SYN2: variants seen among roughly 807,000 people sequenced by gnomAD.
SYN2 encodes synapsin II, also known as synapsin-2.
Under a neutral mutation model 50.9 loss-of-function variants are expected in SYN2, and 19 were observed. The ratio of observed to expected loss-of-function variants is 0.37; its 90% CI spans 0.26 to 0.55. The LOEUF (loss-of-function observed/expected upper bound fraction) is 0.55. Among genes scored for constraint, SYN2 ranks in the 20% least tolerant of loss-of-function variants. The probability of loss-of-function intolerance (pLI) is 0.81; values close to 1 mark genes in which losing one functional copy is unlikely to be tolerated. For missense variants in SYN2, 587 were observed against 576.4 expected (o/e 1.02, Z -0.19); for synonymous variants, 255 against 224.9 (o/e 1.13, Z -1.20).
At chr3:12,124,833 C>T (rs1343696640) in intron 1 of SYN2, among the ~76,000 whole-genome samples, 4 of 151,850 alleles carry the variant, frequency 2.6e-5, no homozygotes, top group African/African-American at 7.3e-5. Context: ...AGTAGTTATC[C>T]CTGGGGAAGG....
rs550444471 is a variant in SYN2, at chr3:12,014,818, G to A, written c.377+9890G>A. Reference sequence around the variant, plus strand: ...CTTCCTGTTTTTTCAACTGCAAAGTGGGATTGTGGGAATGGTTTAACTTCC... The same window carrying A: ...CTTCCTGTTTTTTCAACTGCAAAGTAGGATTGTGGGAATGGTTTAACTTCC... On this transcript the variant is annotated intron_variant, in intron 1 of 12. Coordinates refer to ENST00000621198, the MANE Select transcript of SYN2 (RefSeq NM_133625.6). 1.6e-4 allele frequency among the ~76,000 whole-genome samples: 25 copies of A among 152,232 alleles called. 1 individual carries two copies. The South Asian group carries it at 4.6e-3, about 28-fold the overall frequency.
In SYN2 at chr3:12,004,920, C is replaced by T. The variant is rs774743651; in HGVS notation, c.369C>T (p.His123=). ...TGCTGCTGGTGGTCGACGAGCCGCA[C>T]GCCGACTGGTAGGTGCCGGGCGCCG... The part of the protein sequence containing the change: ...AKVLLVVDEP[H]ADWAKCFRGK... The change falls in exon 1 of 13, where the codon CAC becomes CAT. Residue 123 remains histidine (H), a synonymous_variant. Transcript: ENST00000621198. 3 of 568,994 alleles carry T rather than the reference C, an allele frequency of 5.3e-6. No homozygotes were observed. The highest frequency in any genetic ancestry group is 9.4e-6 in the Non-Finnish European group (3 of 319,364). 35.2% of individuals were successfully genotyped at this position (568,994 alleles called of 1,614,324 possible).
intron 10 of SYN2, among the ~76,000 whole-genome samples, chr3:12,176,152 C>T (rs1698062261): frequency 6.6e-6 from 1 of 152,160 alleles, no homozygotes; most frequent in South Asian, 2.1e-4. Context: ...CTTTAGGGGT[C>T]TCTTGTCTAG....
At chr3:12,141,833 T>A in intron 2 of SYN2, 72 bp from the exon 3 acceptor site, 1 of 767,486 alleles carries the variant, frequency 1.3e-6, no homozygotes, top group South Asian at 1.4e-5. Context: ...GTGGTAGGGA[T>A]GTTGCTGCTG....
intron 4 of SYN2, 67 bp from the exon 5 acceptor site, chr3:12,151,170 G>A: frequency 9.2e-7 from 1 of 1,091,600 alleles, no homozygotes; most frequent in South Asian, 1.3e-5. Flanking sequence ...AATATTTGAT[G>A]AGTTGATGTT....
intron 1 of SYN2, among the ~76,000 whole-genome samples, chr3:12,068,178 T>C (rs1270435910): frequency 6.6e-6 from 1 of 152,074 alleles, no homozygotes; most frequent in Admixed American, 6.6e-5. Context: ...AAGCTCAACC[T>C]TTTATGTCTG....
intron 1 of SYN2, among the ~76,000 whole-genome samples, chr3:12,033,793 C>T (rs1045379044): frequency 2.0e-5 from 3 of 152,142 alleles, no homozygotes; most frequent in African/African-American, 4.8e-5. Flanking sequence ...CAGCTTTTTT[C>T]ATCTTAGCAT....
chr3:12,167,243 G>C lies in SYN2; in HGVS notation c.990G>C (p.Ser330=). ...GNNYKAYMRT[S]ISGNWKTNTG... is the part of the protein sequence containing the mutation. ...TGGGATCTTGTTGCAGGAGGACATC[G>C]ATCTCAGGGAACTGGAAGACGAACA... The change falls in exon 8 of 13, where the codon TCG becomes TCC. Residue 330 remains serine, a synonymous_variant. Coordinates refer to ENST00000621198, the MANE Select transcript of SYN2 (RefSeq NM_133625.6). 2 of 1,612,834 alleles carry C rather than the reference G, an allele frequency of 1.2e-6. No homozygotes were observed. The highest frequency in any genetic ancestry group is 2.2e-5 in the South Asian group (2 of 90,462).
At chr3:12,032,269 TCCCTTTGAGGGTAA>T (rs1694397404) in intron 1 of SYN2, among the ~76,000 whole-genome samples, 1 of 41,118 alleles carries the variant, frequency 2.4e-5, no homozygotes, top group Non-Finnish European at 5.9e-5. Context: ...CTGATGGGCT[TCCCTTTGAGGGTAA>T]CCCGACCTTT....
At chr3:12,163,205 G>C (rs1302527302) in intron 7 of SYN2, among the ~76,000 whole-genome samples, 1 of 140,134 alleles carries the variant, frequency 7.1e-6, no homozygotes, top group Non-Finnish European at 1.5e-5. Context: ...TCGCGCCACT[G>C]CACTCCAGCC....
intron 1 of SYN2, among the ~76,000 whole-genome samples, chr3:12,096,019 A>G (rs556428836): frequency 6.6e-6 from 1 of 152,268 alleles, no homozygotes; most frequent in South Asian, 2.1e-4. Flanking sequence ...CCATCTCAAT[A>G]AATAGTACAA....
At chr3:12,161,398 G>A (rs1310901692) in intron 5 of SYN2, 148 bp from the exon 6 acceptor site, 2 of 829,672 alleles carry the variant, frequency 2.4e-6, no homozygotes, top group Non-Finnish European at 3.9e-6. Flanking sequence ...TCATTCCATG[G>A]GTCTCAGTTT....
intron 1 of SYN2, among the ~76,000 whole-genome samples, chr3:12,083,704 A>T (rs1695628964): frequency 6.6e-6 from 1 of 152,280 alleles, no homozygotes; most frequent in East Asian, 1.9e-4. Context: ...TGAAGATGGC[A>T]CTTCATCATC....
At chr3:12,166,478 A>G (rs1266303772) in intron 7 of SYN2, among the ~76,000 whole-genome samples, 3 of 152,246 alleles carry the variant, frequency 2.0e-5, no homozygotes, top group Non-Finnish European at 4.4e-5. Flanking sequence ...AGAACCAGAA[A>G]CCAAGTAATC....
intron 1 of SYN2, among the ~76,000 whole-genome samples, chr3:12,110,216 C>T (rs1277133223): frequency 1.3e-5 from 2 of 152,160 alleles, no homozygotes; most frequent in South Asian, 2.1e-4. Context: ...AATTGTAATA[C>T]TTACTCTTAA....
At chr3:12,022,845 G>T (rs1694172368) in intron 1 of SYN2, among the ~76,000 whole-genome samples, 1 of 152,012 alleles carries the variant, frequency 6.6e-6, no homozygotes, top group African/African-American at 2.4e-5. Flanking sequence ...ACCGTGCCTG[G>T]CCAAGAAAAT....
intron 1 of SYN2, among the ~76,000 whole-genome samples, chr3:12,018,840 T>C (rs894458850): frequency 1.3e-5 from 2 of 152,176 alleles, no homozygotes; most frequent in African/African-American, 4.8e-5. Flanking sequence ...ACTGGTGGGA[T>C]TGAGAGTAGG....
At chr3:12,174,183 G>T (rs1292651860) in intron 10 of SYN2, among the ~76,000 whole-genome samples, 4 of 152,230 alleles carry the variant, frequency 2.6e-5, no homozygotes, top group East Asian at 1.9e-4. Flanking sequence ...GTCTTGGCCA[G>T]CCTGTATCTA....
rs79060125 is a variant in SYN2 at position 12,083,328 on chromosome 3, A to G, written c.378-57323A>G. 4.8e-3 allele frequency among the ~76,000 whole-genome samples: 730 copies of G among 152,214 alleles called. 5 individuals are homozygous for G. Among genetic ancestry groups the G allele is most frequent in the African/African-American group, 0.017 (694 of 41,536 alleles). On this transcript the variant is annotated intron_variant, in intron 1 of 12. Coordinates refer to ENST00000621198, the MANE Select transcript of SYN2 (RefSeq NM_133625.6). ...CGCCCAGCCTGTTGTTTTTAATTAG[A>G]TCTTTTGGAGACAGCTCTATTTTTT...
Sources: allele counts gnomAD v4.1 joint callset (sites outside exome capture counted in the v4.1 genomes callset), GRCh38; gene constraint gnomAD v4.1.1; transcripts MANE v1.5; gene names NCBI Gene and HGNC (gene_info 2026-07-23, HGNC 2026-07-21).